EIF3H: variants seen among roughly 807,000 people sequenced by gnomAD.
EIF3H encodes eIF-3-gamma.
In EIF3H, 26 loss-of-function variants were observed where a neutral mutation model predicts 44.2. The ratio of observed to expected loss-of-function variants is 0.59; its 90% CI spans 0.43 to 0.82. The LOEUF (loss-of-function observed/expected upper bound fraction) is 0.82, where lower values mean the gene tolerates loss of function less well. Ranked by LOEUF, EIF3H falls within the 40% of genes least tolerant of loss-of-function variation. The pLI is 0.00. For missense variants in EIF3H, 359 were observed against 432.8 expected (o/e 0.83, Z 1.51); for synonymous variants, 166 against 151.9 (o/e 1.09, Z -0.68).
chr8:116,708,713 TTTA>T (rs1401181685), intron 2 of EIF3H, among the ~76,000 whole-genome samples: 1 of 152,204 alleles, frequency 6.6e-6, no homozygotes, highest in Middle Eastern at 3.4e-3. Context: ...AGAGCAGTAC[TTTA>T]TTCTTAAAAC....
upstream of EIF3H, among the ~76,000 whole-genome samples, chr8:116,760,241 C>A (rs1453481606): frequency 6.6e-6 from 1 of 152,166 alleles, no homozygotes; most frequent in Non-Finnish European, 1.5e-5. Flanking sequence ...TGAAACAATA[C>A]ACTTTTTGTT....
intron 2 of EIF3H, among the ~76,000 whole-genome samples, chr8:116,691,143 G>C (rs906472374): frequency 2.6e-5 from 4 of 152,168 alleles, no homozygotes; most frequent in African/African-American, 9.7e-5. Flanking sequence ...GCAAACATTG[G>C]TTAAACTACT....
intron 2 of EIF3H, among the ~76,000 whole-genome samples, chr8:116,700,878 T>C (rs1487778881): frequency 1.3e-5 from 2 of 152,326 alleles, no homozygotes; most frequent in Non-Finnish European, 2.9e-5. Flanking sequence ...ACAAATTATA[T>C]GCTTTCCCAA....
At chr8:116,766,355 C>T (rs959803796), upstream of EIF3H, 11 of 419,732 alleles carry the variant, frequency 2.6e-5, no homozygotes, top group South Asian at 8.3e-5. Context: ...CGCACCCCAG[C>T]GGTTTTCCAG....
chr8:116,755,333 A>C (rs1815421638), intron 1 of EIF3H, among the ~76,000 whole-genome samples: 1 of 152,114 alleles, frequency 6.6e-6, no homozygotes, highest in African/African-American at 2.4e-5. Flanking sequence ...CTAGGTCCCT[A>C]AATCCTTCTC....
intron 1 of EIF3H, among the ~76,000 whole-genome samples, chr8:116,765,070 T>C (rs188415708): frequency 3.9e-5 from 6 of 152,148 alleles, no homozygotes; most frequent in Admixed American, 3.3e-4. Flanking sequence ...TAAGAAAAAA[T>C]GTTTTAACTG....
chr8:116,753,595 T>TA (rs971850237), intron 1 of EIF3H, among the ~76,000 whole-genome samples: 26 of 152,168 alleles, frequency 1.7e-4, no homozygotes, highest in African/African-American at 3.9e-4. Context: ...AGAGAGCTGA[T>TA]AAAAAATAAT....
At chr8:116,709,901 T>C (rs192397661) in intron 2 of EIF3H, among the ~76,000 whole-genome samples, 3 of 152,204 alleles carry the variant, frequency 2.0e-5, no homozygotes, top group Non-Finnish European at 2.9e-5. Flanking sequence ...CAGCCATAGG[T>C]ACCAGGACAT....
intron 1 of EIF3H, among the ~76,000 whole-genome samples, chr8:116,752,160 T>C (rs115273774): frequency 1.8e-3 from 273 of 152,206 alleles, no homozygotes; most frequent in African/African-American, 5.2e-3. Context: ...AAAGAAACCA[T>C]AAACCATGAA....
chr8:116,662,534 C>G lies in EIF3H; in HGVS notation c.290-3554G>C, dbSNP rs79343559. Among the ~76,000 whole-genome samples the G allele has an allele frequency of 2.7e-3, 411 of 152,316 alleles. 11 individuals carry two copies. The East Asian group carries it at 0.064, about 24-fold the overall frequency. On this transcript the variant is annotated intron_variant, in intron 2 of 7. Coordinates refer to ENST00000521861, the MANE Select transcript of EIF3H (RefSeq NM_003756.3). ...GCCAAGGAACAAGAGACACAACTCA[C>G]AAACAGCCACATGAACTGCGTTATC...
chr8:116,694,687 T>C (rs1019894971), intron 2 of EIF3H, among the ~76,000 whole-genome samples: 4 of 152,240 alleles, frequency 2.6e-5, no homozygotes, highest in African/African-American at 9.6e-5. Context: ...TTCCTTTAAC[T>C]GTTTCACAAT....
chr8:116,685,668 G>C (rs892609590), intron 2 of EIF3H, among the ~76,000 whole-genome samples: 1 of 152,148 alleles, frequency 6.6e-6, no homozygotes, highest in Non-Finnish European at 1.5e-5. Flanking sequence ...GCAAGTCCAG[G>C]TGACCAGGAG....
intron 6 of EIF3H, among the ~76,000 whole-genome samples, chr8:116,646,946 T>TA (rs1813311136): frequency 6.6e-6 from 1 of 152,178 alleles, no homozygotes; most frequent in African/African-American, 2.4e-5. Context: ...AATGAGGTAA[T>TA]AAATGATTCA....
At chr8:116,743,215 C>T (rs1282746943) in intron 1 of EIF3H, among the ~76,000 whole-genome samples, 1 of 152,096 alleles carries the variant, frequency 6.6e-6, no homozygotes, top group East Asian at 1.9e-4. Context: ...TTTGGGAGGC[C>T]AAGGCAGGGG....
upstream of EIF3H, chr8:116,766,349 C>T (rs979866241): frequency 7.2e-6 from 3 of 419,386 alleles, no homozygotes; most frequent in Non-Finnish European, 4.2e-6. Context: ...GAATCGCGCA[C>T]CCCAGCGGTT....
intron 2 of EIF3H, among the ~76,000 whole-genome samples, chr8:116,670,713 C>A (rs1329521362): frequency 6.6e-6 from 1 of 152,168 alleles, no homozygotes; most frequent in East Asian, 1.9e-4. Context: ...ATTTTTGATA[C>A]TCTCAGGACA....
chr8:116,729,100 T>G (rs535610412), intron 1 of EIF3H, among the ~76,000 whole-genome samples: 1 of 152,312 alleles, frequency 6.6e-6, no homozygotes, highest in Admixed American at 6.5e-5. Context: ...CCAATTCACC[T>G]AGGTTACCTA....
chr8:116,646,687 G>C (rs1813307560), intron 6 of EIF3H, 84 bp from the exon 7 acceptor site: 9 of 1,539,542 alleles, frequency 5.8e-6, no homozygotes, highest in Non-Finnish European at 2.6e-6. Context: ...ACAACCAGCA[G>C]AACCCCACTG....
chr8:116,699,345 A>G (rs1814329750), intron 2 of EIF3H, among the ~76,000 whole-genome samples: 2 of 152,222 alleles, frequency 1.3e-5, no homozygotes, highest in South Asian at 4.1e-4. Context: ...AATTTTAGAC[A>G]TTTGACTCTA....
Sources: gnomAD v4.1 joint callset for allele counts (sites outside exome capture counted in the v4.1 genomes callset) on GRCh38, gnomAD v4.1.1 for gene constraint, MANE v1.5 for transcripts, NCBI Gene and HGNC (gene_info 2026-07-23, HGNC 2026-07-21) for gene names.